Variants in NBAS observed in about 807,000 individuals in gnomAD.
The protein encoded by NBAS is NAG/BC035112 fusion.
A neutral mutation model predicts 302.5 loss-of-function variants in NBAS; 219 were observed. The ratio of observed to expected loss-of-function variants is 0.72; its 90% CI spans 0.65 to 0.81. NBAS has a LOEUF of 0.81. NBAS is among the 30% of genes least tolerant of loss of function. The pLI is 0.00. For missense variants in NBAS, 2,932 were observed against 2,841.6 expected, an observed-to-expected ratio of 1.03 and a Z score of -0.72; for synonymous variants, 1,118 against 1,021.6, an observed-to-expected ratio of 1.09 and a Z score of -1.80.
chr2:15,192,288 G>T, intron 48 of NBAS, among the ~76,000 whole-genome samples: 1 of 144,596 alleles, frequency 6.9e-6, no homozygotes. Flanking sequence ...AATAATACCT[G>T]CTATAGAGTA....
rs1407307784 is a variant in NBAS, at chr2:15,186,544, G to A, written c.6711+198C>T. ...TCTGGAACTTGTACAGGAAACGCTGGCCCCCACAAAAAGAAAGCAGCCTCA... is the reference window on the plus strand; with the variant it reads ...TCTGGAACTTGTACAGGAAACGCTGACCCCCACAAAAAGAAAGCAGCCTCA... On this transcript the variant is annotated intron_variant, in intron 50 of 51. Transcript: ENST00000281513. 2.6e-5 allele frequency among the ~76,000 whole-genome samples: 4 copies of A among 152,004 alleles called. No individual in the cohort carries two copies. The East Asian group carries it at 7.7e-4, about 29-fold the overall frequency.
chr2:15,520,479 C>T lies in NBAS; in HGVS notation c.747-9129G>A, dbSNP rs1362170267. On this transcript the variant is annotated intron_variant, in intron 9 of 51. Coordinates refer to ENST00000281513, the MANE Select transcript of NBAS (RefSeq NM_015909.4). ...TCTACCTCCCAAACAGAACTAGACC[C>T]ATACTCAGACAGACTGTTGGATGAC... 3.3e-5 allele frequency among the ~76,000 whole-genome samples: 5 copies of T among 152,094 alleles called. No individual in the cohort carries two copies. In the East Asian group the frequency reaches 9.6e-4, roughly 29 times the overall value.
chr2:14,909,107 C>A, the NBAS span, among the ~76,000 whole-genome samples: 14 of 151,864 alleles, frequency 9.2e-5, no homozygotes, highest in East Asian at 1.9e-4. Context: ...CCGAGGCGGG[C>A]GGATCACGAG....
At chr2:15,305,161 A>G (rs568521803) in intron 40 of NBAS, among the ~76,000 whole-genome samples, 2 of 152,274 alleles carry the variant, frequency 1.3e-5, no homozygotes, top group Middle Eastern at 3.4e-3. Flanking sequence ...CTCATCTTGA[A>G]TTATAACCCC....
chr2:15,273,478 A>G (rs1415530815), intron 44 of NBAS, among the ~76,000 whole-genome samples: 2 of 152,206 alleles, frequency 1.3e-5, no homozygotes, highest in Non-Finnish European at 2.9e-5. Flanking sequence ...CTTCTTAGAG[A>G]TAGCACAGTT....
chr2:15,026,160 T>C, the NBAS span, among the ~76,000 whole-genome samples: 3 of 113,156 alleles, frequency 2.7e-5, 1 homozygote. Context: ...TTGAATTTTA[T>C]TAAAAGTCTT....
At chr2:14,815,401 T>A in the NBAS span, among the ~76,000 whole-genome samples, 1 of 152,084 alleles carries the variant, frequency 6.6e-6, no homozygotes, top group Non-Finnish European at 1.5e-5. Flanking sequence ...TTGGGAAAAA[T>A]TTCTTCACAG....
chr2:15,385,966 A>G (rs1316584929), intron 28 of NBAS, among the ~76,000 whole-genome samples: 1 of 152,204 alleles, frequency 6.6e-6, no homozygotes, highest in Non-Finnish European at 1.5e-5. Flanking sequence ...TAGATTTTAG[A>G]GTAAAATCAG....
chr2:14,940,501 T>C, the NBAS span, among the ~76,000 whole-genome samples: 2 of 152,214 alleles, frequency 1.3e-5, no homozygotes, highest in Non-Finnish European at 2.9e-5. Context: ...ATATATACGC[T>C]GAAAGGCAAT....
At chr2:15,147,363 G>T in the NBAS span, among the ~76,000 whole-genome samples, 2 of 152,126 alleles carry the variant, frequency 1.3e-5, no homozygotes, top group African/African-American at 4.8e-5. Flanking sequence ...GGAGGCTGAA[G>T]CGGGTGGATC....
At chr2:15,030,162 A>G in the NBAS span, among the ~76,000 whole-genome samples, 2 of 152,128 alleles carry the variant, frequency 1.3e-5, no homozygotes, top group African/African-American at 4.8e-5. Flanking sequence ...ATCTTCTGGG[A>G]AAGTGTGGAA....
At chr2:15,315,815 A>C (rs1479617345) in intron 38 of NBAS, among the ~76,000 whole-genome samples, 4 of 152,148 alleles carry the variant, frequency 2.6e-5, no homozygotes, top group African/African-American at 9.7e-5. Context: ...GGGCTCTCCT[A>C]ACTAACATGA....
intron 12 of NBAS, among the ~76,000 whole-genome samples, chr2:15,488,048 A>G (rs1302470746): frequency 6.6e-6 from 1 of 152,208 alleles, no homozygotes; most frequent in African/African-American, 2.4e-5. Context: ...AAAATTCCTT[A>G]TCAATAATCC....
intron 6 of NBAS, among the ~76,000 whole-genome samples, chr2:15,543,505 G>A (rs767624261): frequency 6.6e-6 from 1 of 152,122 alleles, no homozygotes; most frequent in African/African-American, 2.4e-5. Context: ...ATCTGAGACT[G>A]GGCAATTTAC....
chr2:15,324,170 C>T (rs1050241202), intron 38 of NBAS, among the ~76,000 whole-genome samples: 1 of 152,084 alleles, frequency 6.6e-6, no homozygotes, highest in Non-Finnish European at 1.5e-5. Flanking sequence ...GGCTATTATG[C>T]CCATTTTATA....
the NBAS span, among the ~76,000 whole-genome samples, chr2:14,976,863 G>A: frequency 2.0e-5 from 3 of 152,218 alleles, no homozygotes; most frequent in Non-Finnish European, 4.4e-5. Flanking sequence ...AAGAGGCAAG[G>A]AAGGATTCTC....
At chr2:14,862,004 C>G in the NBAS span, among the ~76,000 whole-genome samples, 1 of 152,148 alleles carries the variant, frequency 6.6e-6, no homozygotes, top group Admixed American at 6.5e-5. Context: ...AGCCAAGGGT[C>G]AGTGATAAAT....
Position 15,504,103 on chromosome 2 carries a change from A to C in NBAS, c.954+42T>G, listed in dbSNP as rs367761336. 3.9e-6 allele frequency: 6 copies of C among 1,535,732 alleles called. No homozygotes were observed. The African/African-American group carries it at 6.8e-5, about 17-fold the overall frequency. ...GACCTTAAAGGTACTTCAGGGTAAA[A>C]ATGTTTGAGAAGCCCACCATAGTTA... is the stretch of plus-strand genomic sequence containing the variant. On this transcript the variant is annotated intron_variant, in intron 11 of 51. Coordinates refer to ENST00000281513, the MANE Select transcript of NBAS (RefSeq NM_015909.4).
At chr2:15,100,274 A>G in the NBAS span, among the ~76,000 whole-genome samples, 1 of 152,230 alleles carries the variant, frequency 6.6e-6, no homozygotes, top group South Asian at 2.1e-4. Flanking sequence ...CTATAATAGT[A>G]ACTGTTCTAC....
Sources: allele counts gnomAD v4.1 joint callset (sites outside exome capture counted in the v4.1 genomes callset), GRCh38; gene constraint gnomAD v4.1.1; transcripts MANE v1.5; gene names NCBI Gene and HGNC (gene_info 2026-07-23, HGNC 2026-07-21).